Variants in SHISA9 observed in about 807,000 individuals in gnomAD.
The protein encoded by SHISA9 is protein shisa-9.
Under a neutral mutation model 38.0 loss-of-function variants are expected in SHISA9, and 13 were observed. The ratio of observed to expected loss-of-function variants is 0.34; its 90% CI spans 0.22 to 0.54. The LOEUF is 0.54. SHISA9 is among the 20% of genes least tolerant of loss of function. The pLI, the probability that SHISA9 is intolerant of heterozygous loss-of-function variation, is 0.91. For missense variants in SHISA9, 538 were observed against 575.8 expected, an observed-to-expected ratio of 0.93 and a Z score of 0.67; for synonymous variants, 275 against 242.0, an observed-to-expected ratio of 1.14 and a Z score of -1.27.
At chr16:13,034,138 C>T (rs2073024923) in intron 2 of SHISA9, among the ~76,000 whole-genome samples, 1 of 100,330 alleles carries the variant, frequency 1.0e-5, no homozygotes, top group Admixed American at 1.0e-4. Flanking sequence ...AGAATGGAAA[C>T]TCCATCTCAA....
the SHISA9 span, among the ~76,000 whole-genome samples, chr16:13,353,095 T>C: frequency 6.6e-6 from 1 of 152,030 alleles, no homozygotes; most frequent in Non-Finnish European, 1.5e-5. Flanking sequence ...GTGGGTGGTA[T>C]GGAGAGAGAA....
the SHISA9 span, among the ~76,000 whole-genome samples, chr16:13,452,784 TC>T: frequency 2.0e-5 from 3 of 151,888 alleles, no homozygotes; most frequent in African/African-American, 7.2e-5. Context: ...TACTAGGTCT[TC>T]CAATACACCA....
At chr16:13,398,995 C>G in the SHISA9 span, among the ~76,000 whole-genome samples, 2 of 152,164 alleles carry the variant, frequency 1.3e-5, no homozygotes, top group Non-Finnish European at 2.9e-5. Context: ...GTGGTTCACA[C>G]CTGTAATCTC....
chr16:12,936,505 T>A (rs1046297590), intron 2 of SHISA9, among the ~76,000 whole-genome samples: 8 of 152,204 alleles, frequency 5.3e-5, no homozygotes, highest in African/African-American at 1.4e-4. Context: ...GTAACATAAA[T>A]AATGTGAGTA....
At chr16:13,041,049 C>T (rs1025815958) in intron 2 of SHISA9, among the ~76,000 whole-genome samples, 38 of 152,132 alleles carry the variant, frequency 2.5e-4, no homozygotes, top group African/African-American at 7.7e-4. Context: ...AGTACTGTGT[C>T]GTTGGGGGCT....
chr16:13,148,337 T>A (rs1450342350), intron 2 of SHISA9, among the ~76,000 whole-genome samples: 2 of 152,020 alleles, frequency 1.3e-5, no homozygotes. Context: ...ACACACTCTT[T>A]ACACACCCCT....
chr16:12,904,704 G>A (rs921380771), intron 1 of SHISA9, among the ~76,000 whole-genome samples: 1 of 152,110 alleles, frequency 6.6e-6, no homozygotes, highest in Non-Finnish European at 1.5e-5. Flanking sequence ...GCATACTCCC[G>A]AAAAGAGAGT....
chr16:13,393,671 A>G, the SHISA9 span, among the ~76,000 whole-genome samples: 1 of 152,156 alleles, frequency 6.6e-6, no homozygotes, highest in South Asian at 2.1e-4. Flanking sequence ...AGAAGTTTAT[A>G]AAAGACTGTG....
chr16:13,397,457 C>T, the SHISA9 span, among the ~76,000 whole-genome samples: 9 of 152,042 alleles, frequency 5.9e-5, no homozygotes, highest in African/African-American at 2.2e-4. Flanking sequence ...GGCAGAGTCT[C>T]GCTCTGCTGC....
chr16:13,344,573 C>T, the SHISA9 span, among the ~76,000 whole-genome samples: 150 of 152,194 alleles, frequency 9.9e-4, no homozygotes, highest in African/African-American at 3.4e-3. Context: ...AATAGAATAA[C>T]ATGGTAATAA....
chr16:13,414,813 A>G, the SHISA9 span, among the ~76,000 whole-genome samples: 1 of 151,684 alleles, frequency 6.6e-6, no homozygotes, highest in Non-Finnish European at 1.5e-5. Context: ...TTGTATTTTT[A>G]GTAGAGACAG....
the SHISA9 span, among the ~76,000 whole-genome samples, chr16:13,368,143 C>G: frequency 6.6e-6 from 1 of 152,114 alleles, no homozygotes; most frequent in Non-Finnish European, 1.5e-5. Context: ...TAAAACTGAG[C>G]AAGATCACCT....
the SHISA9 span, among the ~76,000 whole-genome samples, chr16:13,549,232 T>C: frequency 6.6e-6 from 1 of 151,970 alleles, no homozygotes; most frequent in East Asian, 1.9e-4. Flanking sequence ...GTTAGGGAAA[T>C]GGGGAGATGT....
intron 2 of SHISA9, among the ~76,000 whole-genome samples, chr16:13,143,126 G>T (rs779526261): frequency 6.6e-6 from 1 of 151,618 alleles, no homozygotes; most frequent in Admixed American, 6.6e-5. Flanking sequence ...CCTGCCTCAG[G>T]CTCCCGAGTA....
the SHISA9 span, among the ~76,000 whole-genome samples, chr16:13,453,282 G>A: frequency 6.6e-6 from 1 of 152,074 alleles, no homozygotes; most frequent in Non-Finnish European, 1.5e-5. Context: ...GCAAACTTTG[G>A]GATCGAGATA....
rs555506444 is a variant in SHISA9, at chr16:13,213,169, C to T, written c.848-84C>T. 10 of 1,282,030 alleles carry T rather than the reference C, an allele frequency of 7.8e-6. No homozygotes were observed. The South Asian group carries it at 1.0e-4, about 13-fold the overall frequency. 79.4% of individuals were successfully genotyped at this position (1,282,030 alleles called of 1,614,324 possible). On this transcript the variant is annotated intron_variant, in intron 3 of 4. Transcript: ENST00000558583. The stretch of plus-strand genomic sequence containing the variant: ...GCTTGGAGGCTGCAGCAGGGGCAGC[C>T]AACAGCACCTGGGTGTGAGGGCATA...
intron 2 of SHISA9, among the ~76,000 whole-genome samples, chr16:13,083,323 T>C (rs896523869): frequency 1.3e-5 from 2 of 152,152 alleles, no homozygotes; most frequent in African/African-American, 4.8e-5. Context: ...ACAATGATCA[T>C]AGAAGTGCAT....
the SHISA9 span, among the ~76,000 whole-genome samples, chr16:13,484,348 A>T: frequency 1.6e-4 from 25 of 152,136 alleles, no homozygotes; most frequent in Non-Finnish European, 3.1e-4. Flanking sequence ...CACCTCTCCG[A>T]GCCTCGGTTC....
rs12325635 is a variant in SHISA9 at position 13,079,372 on chromosome 16, G to C, written c.692-124022G>C. On this transcript the variant is annotated intron_variant, in intron 2 of 4. Coordinates refer to ENST00000558583, the MANE Select transcript of SHISA9 (RefSeq NM_001145204.3). ...ATGCAGGTAAAGTTCTTAGTACAGT[G>C]TCTTACCTATCATAAGCTTTTACTA... is the stretch of plus-strand genomic sequence containing the variant. 3.8e-3 allele frequency among the ~76,000 whole-genome samples: 580 copies of C among 152,270 alleles called. 4 individuals are homozygous for C. Among genetic ancestry groups the C allele is most frequent in the African/African-American group, 0.013 (550 of 41,542 alleles).
Sources: allele counts gnomAD v4.1 joint callset (sites outside exome capture counted in the v4.1 genomes callset), GRCh38; gene constraint gnomAD v4.1.1; transcripts MANE v1.5; gene names NCBI Gene and HGNC (gene_info 2026-07-23, HGNC 2026-07-21).